The following GULP1 variants were observed in gnomAD, a reference collection of about 807,000 sequenced individuals.
GULP1 encodes the protein GULP PTB domain containing engulfment adaptor 1, also known as PTB domain-containing engulfment adapter protein 1.
A neutral mutation model predicts 40.9 loss-of-function variants in GULP1; 19 were observed. The ratio of observed to expected loss-of-function variants is 0.46; its 90% confidence interval spans 0.32 to 0.68. The LOEUF is 0.68. GULP1 is among the 30% of genes least tolerant of loss of function. The pLI, the probability that GULP1 is intolerant of heterozygous loss-of-function variation, is 0.03. For synonymous variants in GULP1, 119 were observed against 117.6 expected (o/e 1.01, Z -0.08); for missense variants, 312 against 362.2 (o/e 0.86, Z 1.12).
chr2:188,561,880 C>T (rs1696388864), intron 7 of GULP1, among the ~76,000 whole-genome samples: 2 of 152,132 alleles, frequency 1.3e-5, no homozygotes, highest in Non-Finnish European at 2.9e-5. Context: ...CTACAGGAGC[C>T]CCTACTCAGC....
At chr2:188,526,345 T>C (rs1456079684) in intron 5 of GULP1, among the ~76,000 whole-genome samples, 2 of 152,144 alleles carry the variant, frequency 1.3e-5, no homozygotes, top group Admixed American at 6.6e-5. Context: ...GGCAGATCAC[T>C]GTATCCATCT....
Position 188,511,331 on chromosome 2 carries a change from T to C in GULP1, c.91-11425T>C, listed in dbSNP as rs1458370586. On this transcript the variant is annotated intron_variant, in intron 4 of 11. Transcript: ENST00000409830. Reference sequence around the variant, plus strand: ...TAAAATAATGCAAGTTACATGAGAATATTTCCACAGCCCATGTGTTTTATA... The same window carrying C: ...TAAAATAATGCAAGTTACATGAGAACATTTCCACAGCCCATGTGTTTTATA... Among the ~76,000 whole-genome samples, 11 of 152,214 alleles carry C rather than the reference T, an allele frequency of 7.2e-5. 1 individual carries two copies.
intron 1 of GULP1, among the ~76,000 whole-genome samples, chr2:188,335,175 A>G (rs2042098608): frequency 6.6e-6 from 1 of 152,254 alleles, no homozygotes; most frequent in Non-Finnish European, 1.5e-5. Context: ...CTAGAAAGGT[A>G]ATATAATAAT....
At chr2:188,367,726 A>C (rs2046994330) in intron 1 of GULP1, among the ~76,000 whole-genome samples, 1 of 152,174 alleles carries the variant, frequency 6.6e-6, no homozygotes, top group South Asian at 2.1e-4. Flanking sequence ...GTGGCCTCTT[A>C]ACAGAATGGG....
rs911849491 is a variant in GULP1, at chr2:188,463,462, G to C, written c.-44-14197G>C. Among the ~76,000 whole-genome samples the C allele has an allele frequency of 2.0e-5, 3 of 151,910 alleles. No homozygotes were observed. In the South Asian group the frequency reaches 6.2e-4, roughly 32 times the overall value. ...CACCCTTTCTTTATCCTTGACCTTT[G>C]GGAGTTTGATTAAATGCCTTAGGAG... On this transcript the variant is annotated intron_variant, in intron 2 of 11. Transcript: ENST00000409830.
chr2:188,504,921 C>T (rs1462108358), intron 4 of GULP1, among the ~76,000 whole-genome samples: 1 of 151,040 alleles, frequency 6.6e-6, no homozygotes, highest in Non-Finnish European at 1.5e-5. Context: ...TGACTGCAAA[C>T]CTGTTTCTAC....
intron 1 of GULP1, chr2:188,297,465 G>A (rs1414104628): frequency 4.2e-6 from 2 of 471,944 alleles, no homozygotes; most frequent in Non-Finnish European, 8.8e-6. Context: ...TTAATATTAG[G>A]TGTTACAGTT....
chr2:188,372,142 G>C (rs1044045638), intron 1 of GULP1, among the ~76,000 whole-genome samples: 2 of 152,174 alleles, frequency 1.3e-5, no homozygotes, highest in South Asian at 4.1e-4. Flanking sequence ...ACTGTATCAA[G>C]TTGTCTTCAC....
At chr2:188,541,079 A>G in intron 6 of GULP1, 102 bp from the exon 7 acceptor site, 2 of 954,132 alleles carry the variant, frequency 2.1e-6, no homozygotes, top group Non-Finnish European at 3.2e-6. Flanking sequence ...TTGACAGATG[A>G]TTGTTCTACT....
At chr2:188,337,002 C>T (rs1420744717) in intron 1 of GULP1, among the ~76,000 whole-genome samples, 1 of 152,110 alleles carries the variant, frequency 6.6e-6, no homozygotes, top group East Asian at 1.9e-4. Flanking sequence ...CTCTGTGATA[C>T]CTTTCATGGT....
rs927714407 is a variant in GULP1 at position 188,351,865 on chromosome 2, A to G, written c.-171-31898A>G. 2.0e-5 allele frequency among the ~76,000 whole-genome samples: 3 copies of G among 152,110 alleles called. No homozygotes were observed. In the East Asian group the frequency reaches 5.8e-4, roughly 29 times the overall value. On this transcript the variant is annotated intron_variant, in intron 1 of 11. Coordinates refer to ENST00000409830, the MANE Select transcript of GULP1 (RefSeq NM_016315.4). ...CATTTATTCAGTAAATATTTGCTTC[A>G]TATTTACTCCATTCCAAGCCCCACG... is the stretch of plus-strand genomic sequence containing the variant.
At chr2:188,546,243 G>GAACCTCAA (rs1433160386) in intron 7 of GULP1, among the ~76,000 whole-genome samples, 3 of 151,940 alleles carry the variant, frequency 2.0e-5, no homozygotes, top group Admixed American at 1.3e-4. Context: ...CAGTTACAGA[G>GAACCTCAA]AACCTCACCC....
intron 1 of GULP1, among the ~76,000 whole-genome samples, chr2:188,316,568 A>G (rs1309481515): frequency 6.6e-6 from 1 of 152,032 alleles, no homozygotes; most frequent in Non-Finnish European, 1.5e-5. Flanking sequence ...CAGCGCCCTG[A>G]CTGCTCCTCC....
intron 2 of GULP1, among the ~76,000 whole-genome samples, chr2:188,454,849 C>T (rs1477438486): frequency 1.3e-5 from 2 of 152,146 alleles, no homozygotes; most frequent in Non-Finnish European, 2.9e-5. Context: ...TTCGGCTGGG[C>T]ATGGAGTTTC....
At chr2:188,455,934 G>A (rs745986115) in intron 2 of GULP1, among the ~76,000 whole-genome samples, 2 of 152,188 alleles carry the variant, frequency 1.3e-5, no homozygotes, top group Non-Finnish European at 2.9e-5. Context: ...CTGGAACAAA[G>A]GTGACTCTTA....
intron 3 of GULP1, 117 bp downstream of exon 3, chr2:188,477,847 T>A: frequency 5.6e-6 from 4 of 711,106 alleles, no homozygotes; most frequent in Non-Finnish European, 9.6e-6. Context: ...AGAAATGAAG[T>A]TAGATTAGAG....
chr2:188,571,395 T>C (rs2153434932), intron 9 of GULP1, among the ~76,000 whole-genome samples: 1 of 152,222 alleles, frequency 6.6e-6, no homozygotes, highest in African/African-American at 2.4e-5. Context: ...GGTCAAAAAA[T>C]GATTTTTCCT....
intron 1 of GULP1, among the ~76,000 whole-genome samples, chr2:188,333,166 A>G (rs1173401799): frequency 6.6e-6 from 1 of 151,610 alleles, no homozygotes; most frequent in African/African-American, 2.4e-5. Flanking sequence ...CATTGCTTGA[A>G]CCCAGGAGAC....
At chr2:188,323,270 A>G (rs1431960671) in intron 1 of GULP1, among the ~76,000 whole-genome samples, 7 of 151,764 alleles carry the variant, frequency 4.6e-5, no homozygotes, top group Admixed American at 6.6e-5. Context: ...ATTTCATTGT[A>G]TTTTACTGTG....
Sources: gnomAD v4.1 joint callset for allele counts (sites outside exome capture counted in the v4.1 genomes callset) on GRCh38, gnomAD v4.1.1 for gene constraint, MANE v1.5 for transcripts, NCBI Gene and HGNC (gene_info 2026-07-23, HGNC 2026-07-21) for gene names.